The following TRIM61 variants were observed in gnomAD, a reference collection of about 807,000 sequenced individuals.
TRIM61 encodes the protein tripartite motif containing 61.
TRIM61 carries 1 observed loss-of-function variant against 14.2 expected under a neutral mutation model. The observed-to-expected ratio is 0.07, with a 90% CI of 0.03 to 0.33. The LOEUF is 0.33. TRIM61 is among the 10% of genes least tolerant of loss of function. TRIM61 has a pLI of 0.99. For synonymous variants in TRIM61, 8 were observed against 71.6 expected (o/e 0.11, Z 4.49); for missense variants, 19 against 202.2 (o/e 0.09, Z 5.49).
At chr4:164,965,767 A>T (rs1426425497) in intron 3 of TRIM61, among the ~76,000 whole-genome samples, 1 of 148,412 alleles carries the variant, frequency 6.7e-6, no homozygotes, top group African/African-American at 2.4e-5. Flanking sequence ...AAATATCATA[A>T]CAATGTATTT....
In TRIM61 at chr4:164,961,158, A is replaced by AG. The variant is rs1178025685; in HGVS notation, c.526-6063_526-6062insC. Among the ~76,000 whole-genome samples the AG allele has an allele frequency of 8.2e-4, 31 of 37,768 alleles. 1 individual carries two copies. The highest frequency in any genetic ancestry group is 3.6e-3 in the African/African-American group (25 of 6,906). 24.8% of individuals were successfully genotyped at this position (37,768 alleles called of 152,430 possible). On this transcript the variant is annotated intron_variant, in intron 3 of 4. Coordinates refer to ENST00000329314, the MANE Select transcript of TRIM61 (RefSeq NM_001012414.3). ...AGAAAATAAGAACTCTCAGGCAAAA[A>AG]AAAAAAAAAAAAAAAAAAAAAAAAA...
intron 3 of TRIM61, chr4:164,969,320 G>T (rs1732308456): frequency 1.4e-6 from 2 of 1,474,584 alleles, no homozygotes; most frequent in African/African-American, 2.8e-5. Flanking sequence ...TTTTAATGAG[G>T]AGGTATAATC....
chr4:164,974,912 G>C (rs1442744855), intron 2 of TRIM61, among the ~76,000 whole-genome samples: 1 of 151,890 alleles, frequency 6.6e-6, no homozygotes, highest in Non-Finnish European at 1.5e-5. Context: ...CTCAGAGATT[G>C]GAAAAATTGA....
At chr4:164,976,955 A>T (rs1398320469) in intron 1 of TRIM61, 130 bp from the exon 2 acceptor site, 5 of 150,876 alleles carry the variant, frequency 3.3e-5, no homozygotes, top group African/African-American at 1.2e-4. Flanking sequence ...AACTGTAAAA[A>T]CCCCTCACCA....
intron 2 of TRIM61, among the ~76,000 whole-genome samples, chr4:164,976,261 G>A (rs1158707267): frequency 6.6e-6 from 1 of 152,138 alleles, no homozygotes; most frequent in Non-Finnish European, 1.5e-5. Flanking sequence ...TATGCTGAGC[G>A]CCGGTCCCCT....
chr4:164,966,481 AAAAGT>A (rs144782617), intron 3 of TRIM61, among the ~76,000 whole-genome samples: 3,760 of 152,332 alleles, frequency 0.025, 145 homozygotes, highest in African/African-American at 0.086. Flanking sequence ...TAGTGACTAT[AAAAGT>A]AAATACCAAA....
At chr4:164,965,488 C>T (rs928016601) in intron 3 of TRIM61, among the ~76,000 whole-genome samples, 4 of 136,952 alleles carry the variant, frequency 2.9e-5, no homozygotes, top group Non-Finnish European at 4.5e-5. Flanking sequence ...GGCTGGAGTG[C>T]AGTGGCGCGA....
chr4:164,968,076 TG>T, intron 3 of TRIM61: 1 of 743,710 alleles, frequency 1.3e-6, no homozygotes, highest in Non-Finnish European at 1.6e-6. Context: ...AGCTTGAACC[TG>T]GGAGACGGAG....
intron 1 of TRIM61, among the ~76,000 whole-genome samples, 172 bp from the exon 2 acceptor site, chr4:164,976,997 T>C (rs1266712873): frequency 1.3e-5 from 2 of 152,220 alleles, no homozygotes; most frequent in East Asian, 3.8e-4. Context: ...AATACGTCTC[T>C]AGCTTGTTTG....
intron 3 of TRIM61, among the ~76,000 whole-genome samples, chr4:164,967,253 TAG>T (rs1242349988): frequency 6.6e-6 from 1 of 152,232 alleles, no homozygotes; most frequent in Non-Finnish European, 1.5e-5. Flanking sequence ...ATTCATTGAA[TAG>T]ATTCACTGTT....
rs1050353868 is a variant in TRIM61, at chr4:164,972,512, G to A, written c.-337-2173C>T. ...TGCCTATTGCTTTGTGTGTGTGTGTGGAGCCTTGTTCTGTGGCCCAGGCTT... is the reference window on the plus strand; with the variant it reads ...TGCCTATTGCTTTGTGTGTGTGTGTAGAGCCTTGTTCTGTGGCCCAGGCTT... On this transcript the variant is annotated intron_variant, in intron 2 of 4. Coordinates refer to ENST00000329314, the MANE Select transcript of TRIM61 (RefSeq NM_001012414.3). Among the ~76,000 whole-genome samples the A allele has an allele frequency of 4.6e-5, 7 of 152,120 alleles. No individual in the cohort carries two copies. The South Asian group carries it at 1.2e-3, about 27-fold the overall frequency.
At chr4:164,965,709 A>G (rs1239828658) in intron 3 of TRIM61, among the ~76,000 whole-genome samples, 1 of 152,168 alleles carries the variant, frequency 6.6e-6, no homozygotes, top group African/African-American at 2.4e-5. Flanking sequence ...TTGGGATTAC[A>G]GGCATGAGAC....
intron 3 of TRIM61, among the ~76,000 whole-genome samples, chr4:164,963,960 G>A (rs1448672945): frequency 6.6e-6 from 1 of 151,920 alleles, no homozygotes; most frequent in Non-Finnish European, 1.5e-5. Context: ...GTGTAACATA[G>A]CTAAAGCAGT....
chr4:164,963,126 G>A (rs1732171114), intron 3 of TRIM61, among the ~76,000 whole-genome samples: 1 of 152,024 alleles, frequency 6.6e-6, no homozygotes, highest in Non-Finnish European at 1.5e-5. Context: ...TGCACCTGTA[G>A]TCCCAGCTAT....
At chr4:164,974,419 C>A (rs987167223) in intron 2 of TRIM61, among the ~76,000 whole-genome samples, 1 of 152,124 alleles carries the variant, frequency 6.6e-6, no homozygotes, top group African/African-American at 2.4e-5. Flanking sequence ...CAGATAGAAT[C>A]GAAAATACAG....
rs1732090579 is a variant in TRIM61, at chr4:164,959,603, C to G, written c.526-4507G>C. ...GAGACCAAAGTTCAGAGTGCTTGCCCATGACTCATGCTCAATCAGAACATC... is the reference window on the plus strand; with the variant it reads ...GAGACCAAAGTTCAGAGTGCTTGCCGATGACTCATGCTCAATCAGAACATC... On this transcript the variant is annotated intron_variant, in intron 3 of 4. Coordinates refer to ENST00000329314, the MANE Select transcript of TRIM61 (RefSeq NM_001012414.3). Among the ~76,000 whole-genome samples, 4 of 152,184 alleles carry G rather than the reference C, an allele frequency of 2.6e-5. No individual in the cohort carries two copies. In the South Asian group the frequency reaches 6.2e-4, roughly 24 times the overall value.
chr4:164,961,679 C>A (rs1732139388), intron 3 of TRIM61, among the ~76,000 whole-genome samples: 1 of 151,256 alleles, frequency 6.6e-6, no homozygotes, highest in Admixed American at 6.6e-5. Flanking sequence ...TCAAAAAACA[C>A]ACACCAAAAA....
chr4:164,976,232 T>G (rs1229429816), intron 2 of TRIM61, among the ~76,000 whole-genome samples: 1 of 152,222 alleles, frequency 6.6e-6, no homozygotes. Flanking sequence ...CAGAGGCCGG[T>G]GCCGGTGCAG....
intron 3 of TRIM61, chr4:164,959,111 C>T (rs1732077922): frequency 6.0e-6 from 1 of 167,020 alleles, no homozygotes; most frequent in African/African-American, 2.4e-5. Flanking sequence ...ATTAAAATTG[C>T]CTGATTTCTT....
Sources: gnomAD v4.1 joint callset for allele counts (sites outside exome capture counted in the v4.1 genomes callset) on GRCh38, gnomAD v4.1.1 for gene constraint, MANE v1.5 for transcripts, NCBI Gene and HGNC (gene_info 2026-07-23, HGNC 2026-07-21) for gene names.